Variants in PPP3CC observed in about 807,000 individuals in gnomAD.
PPP3CC encodes the protein protein phosphatase 3 catalytic subunit gamma.
Under a neutral mutation model 60.3 loss-of-function variants are expected in PPP3CC, and 35 were observed. That is an observed-to-expected ratio of 0.58 (90% CI 0.44 to 0.77). The LOEUF (loss-of-function observed/expected upper bound fraction) is 0.77, where lower values mean the gene tolerates loss of function less well. PPP3CC is among the 30% of genes least tolerant of loss of function. The pLI is 0.00. For missense variants in PPP3CC, 570 were observed against 628.9 expected, an observed-to-expected ratio of 0.91 and a Z score of 1.00; for synonymous variants, 206 against 224.3, an observed-to-expected ratio of 0.92 and a Z score of 0.73.
intron 3 of PPP3CC, among the ~76,000 whole-genome samples, chr8:22,488,483 A>G (rs1010141419): frequency 6.6e-6 from 1 of 152,222 alleles, no homozygotes; most frequent in African/African-American, 2.4e-5. Flanking sequence ...TTGGCATTTG[A>G]TAAACAGGCT....
intron 1 of PPP3CC, among the ~76,000 whole-genome samples, 199 bp from the exon 2 acceptor site, chr8:22,474,755 A>G (rs1837835530): frequency 6.6e-6 from 1 of 152,182 alleles, no homozygotes. Flanking sequence ...ACAAATATTT[A>G]AAATGACTGT....
At position 22,475,097 on chromosome 8, in the gene PPP3CC, G is replaced by T. The variant is rs894194265; in HGVS notation, c.193G>T (p.Ala65Ser). 1.9e-6 allele frequency: 3 copies of T among 1,613,550 alleles called. No individual in the cohort carries two copies. The highest frequency in any genetic ancestry group is 1.3e-5 in the African/African-American group (1 of 74,872). Residue 65 changes from alanine to serine, a missense_variant, in exon 2 of 14, where the codon GCT becomes TCT. Transcript: ENST00000240139. ...AGCCTTAAAGATAATCAATGATGGG[G>T]CTGCCATCCTGAGGCAAGAGAAGAC... ...EVALKIINDGAAILRQEKTMI... is the reference protein window; with the variant it reads ...EVALKIINDGSAILRQEKTMI...
intron 8 of PPP3CC, among the ~76,000 whole-genome samples, chr8:22,524,439 TA>T (rs1839487984): frequency 6.6e-6 from 1 of 152,236 alleles, no homozygotes; most frequent in Non-Finnish European, 1.5e-5. Context: ...GTCCTAGTCT[TA>T]TGTTTTCATT....
intron 1 of PPP3CC, among the ~76,000 whole-genome samples, chr8:22,468,486 T>C (rs928095193): frequency 6.6e-6 from 1 of 152,222 alleles, no homozygotes. Flanking sequence ...TTTTCATAAA[T>C]AGTTTATTTT....
rs1463178084 is a variant in PPP3CC, at chr8:22,522,495, C to T, written c.775C>T (p.Pro259Ser). 2 of 1,606,744 alleles carry T rather than the reference C, an allele frequency of 1.2e-6. No individual in the cohort carries two copies. Among genetic ancestry groups the T allele is most frequent in the East Asian group, 2.2e-5 (1 of 44,780 alleles). ...VRGCSYFYSY[P>S]AVCEFLQNNN... The stretch of plus-strand genomic sequence containing the variant: ...TTTTCTAATTTTCTTTTCCAGTTAC[C>T]CTGCAGTTTGTGAATTTTTGCAGAA... Residue 259 changes from proline (P) to serine (S), a missense_variant, in exon 7 of 14, where the codon CCT becomes TCT. Pro to Ser is a moderately conservative substitution (Grantham distance 74). Transcript: ENST00000240139.
At chr8:22,514,554 G>C (rs1396453317) in intron 6 of PPP3CC, among the ~76,000 whole-genome samples, 1 of 151,442 alleles carries the variant, frequency 6.6e-6, no homozygotes, top group Non-Finnish European at 1.5e-5. Flanking sequence ...TTTTGATATA[G>C]TCATACAATG....
At chr8:22,531,430 T>A in intron 10 of PPP3CC, 1 of 1,176,006 alleles carries the variant, frequency 8.5e-7, no homozygotes, top group Non-Finnish European at 1.2e-6. Flanking sequence ...TCAGAAAGGC[T>A]CTCCATCCGC....
At chr8:22,533,867 A>C (rs1270661302) in intron 12 of PPP3CC, among the ~76,000 whole-genome samples, 1 of 151,512 alleles carries the variant, frequency 6.6e-6, no homozygotes, top group Non-Finnish European at 1.5e-5. Context: ...AAAGATCTTA[A>C]TATTATTATA....
intron 3 of PPP3CC, among the ~76,000 whole-genome samples, chr8:22,493,204 A>T (rs1029174930): frequency 2.0e-5 from 3 of 152,148 alleles, no homozygotes; most frequent in Admixed American, 6.5e-5. Flanking sequence ...ATTTTTGTTT[A>T]TGGATCTGAT....
intron 3 of PPP3CC, 138 bp downstream of exon 3, chr8:22,475,762 GAAA>G: frequency 1.1e-6 from 1 of 879,502 alleles, no homozygotes; most frequent in Admixed American, 3.4e-5. Flanking sequence ...TAAAGTAGTA[GAAA>G]TGTTTTAATT....
intron 3 of PPP3CC, chr8:22,492,523 A>T (rs1338028417): frequency 3.1e-6 from 1 of 324,488 alleles, no homozygotes; most frequent in African/African-American, 2.1e-5. Flanking sequence ...TTGCGTCCCC[A>T]TGTGTGTGCA....
chr8:22,484,229 T>C (rs1260619921), intron 3 of PPP3CC, among the ~76,000 whole-genome samples: 1 of 152,158 alleles, frequency 6.6e-6, no homozygotes. Context: ...GGTTAATTAC[T>C]ACATATTTTA....
At chr8:22,443,067 T>G (rs766475335) in intron 1 of PPP3CC, among the ~76,000 whole-genome samples, 3 of 152,126 alleles carry the variant, frequency 2.0e-5, no homozygotes, top group Non-Finnish European at 4.4e-5. Context: ...TTAGTGAAGC[T>G]TAGTGCAGCC....
intron 3 of PPP3CC, among the ~76,000 whole-genome samples, chr8:22,491,219 G>A (rs1046263614): frequency 1.3e-5 from 2 of 152,178 alleles, no homozygotes; most frequent in Non-Finnish European, 2.9e-5. Flanking sequence ...GAGAAAGGGT[G>A]TATGCATTCA....
rs574377590 is a variant in PPP3CC at position 22,462,634 on chromosome 8, G to A, written c.50-12320G>A. 4.6e-5 allele frequency among the ~76,000 whole-genome samples: 7 copies of A among 151,076 alleles called. No individual in the cohort carries two copies. The South Asian group carries it at 1.0e-3, about 23-fold the overall frequency. On this transcript the variant is annotated intron_variant, in intron 1 of 13. Transcript: ENST00000240139. ...TGCCCAGGCTGGAGTGCGGTGGCAC[G>A]ATCTCGGCTCACTGCAAGCTCCGCC...
At chr8:22,499,910 T>A (rs1360407402) in intron 4 of PPP3CC, among the ~76,000 whole-genome samples, 3 of 152,210 alleles carry the variant, frequency 2.0e-5, no homozygotes, top group Non-Finnish European at 4.4e-5. Context: ...TTGTTGACTG[T>A]CTTTCTCTGC....
At chr8:22,530,948 T>C (rs1467615720) in intron 10 of PPP3CC, among the ~76,000 whole-genome samples, 1 of 152,122 alleles carries the variant, frequency 6.6e-6, no homozygotes, top group Non-Finnish European at 1.5e-5. Context: ...TAAACTGTTC[T>C]GTCCTCCGTT....
intron 1 of PPP3CC, among the ~76,000 whole-genome samples, chr8:22,455,848 T>C (rs1009897483): frequency 6.6e-6 from 1 of 152,214 alleles, no homozygotes; most frequent in African/African-American, 2.4e-5. Context: ...GGGCCAGTTT[T>C]TAGCTAATAC....
chr8:22,527,716 A>G (rs1563784302), intron 9 of PPP3CC, among the ~76,000 whole-genome samples, 199 bp downstream of exon 9: 1 of 151,020 alleles, frequency 6.6e-6, no homozygotes, highest in Admixed American at 6.6e-5. Flanking sequence ...GCTAACTACA[A>G]CCTCCGCCTC....
Sources: gnomAD v4.1 joint callset for allele counts (sites outside exome capture counted in the v4.1 genomes callset) on GRCh38, gnomAD v4.1.1 for gene constraint, MANE v1.5 for transcripts, NCBI Gene and HGNC (gene_info 2026-07-23, HGNC 2026-07-21) for gene names.